Variants in NPAT observed in about 807,000 individuals in gnomAD.
NPAT encodes nuclear protein, coactivator of histone transcription, also known as protein NPAT.
A neutral mutation model predicts 130.7 loss-of-function variants in NPAT; 52 were observed. The ratio of observed to expected loss-of-function variants is 0.40; its 90% CI spans 0.32 to 0.50. The LOEUF is 0.50. Ranked by LOEUF, NPAT falls within the 20% of genes least tolerant of loss-of-function variation. The pLI, the probability that NPAT is intolerant of heterozygous loss-of-function variation, is 0.68. For synonymous variants in NPAT, 580 were observed against 584.8 expected (o/e 0.99, Z 0.12); for missense variants, 1,687 against 1,662.6 (o/e 1.01, Z -0.26).
At position 108,206,084 on chromosome 11, in the gene NPAT, A is replaced by T. The variant is rs185432242; in HGVS notation, c.38-8664T>A. ...AAATAAATAAAAATAAAATAGTATAAGTGTTTGTTGTACGTAAACTTTCTT... is the reference window on the plus strand; with the variant it reads ...AAATAAATAAAAATAAAATAGTATATGTGTTTGTTGTACGTAAACTTTCTT... On this transcript the variant is annotated intron_variant, in intron 1 of 17. Coordinates refer to ENST00000278612, the MANE Select transcript of NPAT (RefSeq NM_002519.3). Among the ~76,000 whole-genome samples the T allele has an allele frequency of 2.0e-5, 3 of 152,334 alleles. No homozygotes were observed. In the East Asian group the frequency reaches 5.8e-4, roughly 29 times the overall value.
intron 5 of NPAT, 56 bp from the exon 6 acceptor site, chr11:108,189,386 G>GT: frequency 1.3e-6 from 2 of 1,499,094 alleles, no homozygotes; most frequent in Non-Finnish European, 1.9e-6. Context: ...TTTGGGAATT[G>GT]TAAGAAGTCA....
intron 12 of NPAT, among the ~76,000 whole-genome samples, chr11:108,175,842 G>C (rs2078000285): frequency 1.3e-5 from 2 of 152,190 alleles, no homozygotes; most frequent in Non-Finnish European, 2.9e-5. Flanking sequence ...ATACTAAATT[G>C]TACATGTCAA....
At chr11:108,214,581 T>C (rs1314375889) in intron 1 of NPAT, among the ~76,000 whole-genome samples, 1 of 152,090 alleles carries the variant, frequency 6.6e-6, no homozygotes, top group Non-Finnish European at 1.5e-5. Context: ...ACAACGAAGT[T>C]TACATTTTGT....
At chr11:108,205,000 G>A (rs533198683) in intron 1 of NPAT, among the ~76,000 whole-genome samples, 61 of 152,278 alleles carry the variant, frequency 4.0e-4, no homozygotes, top group Admixed American at 3.3e-3. Flanking sequence ...ACACATGAAG[G>A]TAGCTCAACA....
intron 10 of NPAT, among the ~76,000 whole-genome samples, chr11:108,180,995 C>T (rs2078052931): frequency 6.6e-6 from 1 of 152,128 alleles, no homozygotes; most frequent in South Asian, 2.1e-4. Flanking sequence ...TCAAACTCAT[C>T]AAAACAGAAA....
In NPAT at chr11:108,205,913, G is replaced by C. The variant is rs376938539; in HGVS notation, c.38-8493C>G. Among the ~76,000 whole-genome samples, 4 of 152,122 alleles carry C rather than the reference G, an allele frequency of 2.6e-5. No individual in the cohort carries two copies. The East Asian group carries it at 7.8e-4, about 30-fold the overall frequency. ...CAAAAAAATTAGCTAGGTGTGGTGGGACTCGCCTGTAATCTCAGCTACTTG... is the reference window on the plus strand; with the variant it reads ...CAAAAAAATTAGCTAGGTGTGGTGGCACTCGCCTGTAATCTCAGCTACTTG... On this transcript the variant is annotated intron_variant, in intron 1 of 17. Transcript: ENST00000278612.
chr11:108,189,409 C>A, intron 5 of NPAT, 79 bp from the exon 6 acceptor site: 1 of 1,159,840 alleles, frequency 8.6e-7, no homozygotes, highest in Non-Finnish European at 1.3e-6. Context: ...ATGATGCAAC[C>A]TATTATATAA....
chr11:108,165,777 G>C (rs1420837646), intron 15 of NPAT, among the ~76,000 whole-genome samples: 1 of 151,882 alleles, frequency 6.6e-6, no homozygotes, highest in Non-Finnish European at 1.5e-5. Flanking sequence ...GGGACTACAG[G>C]CACCCACCAC....
chr11:108,194,764 C>T (rs2078204007), intron 2 of NPAT, among the ~76,000 whole-genome samples: 1 of 152,164 alleles, frequency 6.6e-6, no homozygotes, highest in Admixed American at 6.5e-5. Flanking sequence ...ATGTTCCTAC[C>T]TCAGCCTCCC....
intron 1 of NPAT, among the ~76,000 whole-genome samples, chr11:108,201,647 G>C (rs1378462873): frequency 6.6e-6 from 1 of 152,196 alleles, no homozygotes; most frequent in Non-Finnish European, 1.5e-5. Context: ...CAGTACCAGA[G>C]GCCACTAAGG....
intron 1 of NPAT, among the ~76,000 whole-genome samples, chr11:108,207,931 C>CACA (rs1216339195): frequency 1.3e-5 from 2 of 152,214 alleles, no homozygotes; most frequent in African/African-American, 2.4e-5. Flanking sequence ...GATTCAAAGA[C>CACA]ACAAACAGGG....
chr11:108,187,241 A>C (rs1205947557), intron 7 of NPAT, among the ~76,000 whole-genome samples: 1 of 152,182 alleles, frequency 6.6e-6, no homozygotes, highest in Non-Finnish European at 1.5e-5. Flanking sequence ...ACTTGAAGCC[A>C]GGAGTTTCAG....
At chr11:108,193,807 T>A (rs942068859) in intron 3 of NPAT, 150 bp downstream of exon 3, 2 of 558,430 alleles carry the variant, frequency 3.6e-6, no homozygotes, top group East Asian at 3.1e-5. Context: ...AAATTAGATG[T>A]GTCCCAGAAA....
intron 13 of NPAT, among the ~76,000 whole-genome samples, chr11:108,170,669 G>A (rs988333951): frequency 2.0e-5 from 3 of 152,174 alleles, no homozygotes; most frequent in African/African-American, 7.2e-5. Context: ...CTACTGTCAG[G>A]TTGATCCCCT....
At position 108,172,329 on chromosome 11, in the gene NPAT, A is replaced by G. The variant is rs1319654434; in HGVS notation, c.2655T>C (p.Ser885=). ...AATTTCCAGGCAACACCACTACATT[A>G]GACTGACTTACAGATGTTCCTAACG... The part of the protein sequence containing the change: ...PTALGTSVSQ[S]NVVVLPGNSA... The change falls in exon 13 of 18, where the codon TCT becomes TCC. Residue 885 remains serine, a synonymous_variant. Coordinates refer to ENST00000278612, the MANE Select transcript of NPAT (RefSeq NM_002519.3). 1 of 1,614,102 alleles carries G rather than the reference A, an allele frequency of 6.2e-7. No homozygotes were observed. Among genetic ancestry groups the G allele is most frequent in the Non-Finnish European group, 8.5e-7 (1 of 1,180,042 alleles).
intron 1 of NPAT, among the ~76,000 whole-genome samples, chr11:108,216,063 T>C (rs1301091885): frequency 6.6e-6 from 1 of 152,202 alleles, no homozygotes; most frequent in Non-Finnish European, 1.5e-5. Flanking sequence ...TAGCTGTTAC[T>C]AGCTTTTTGT....
intron 13 of NPAT, 114 bp from the exon 14 acceptor site, chr11:108,170,157 C>T (rs1244062051): frequency 1.4e-6 from 1 of 729,872 alleles, no homozygotes; most frequent in Non-Finnish European, 2.4e-6. Context: ...ATGAACAATC[C>T]CTCTTCCTTA....
chr11:108,212,231 A>G (rs529071349), intron 1 of NPAT, among the ~76,000 whole-genome samples: 5 of 152,308 alleles, frequency 3.3e-5, no homozygotes, highest in South Asian at 2.1e-4. Context: ...AACTTGAAAT[A>G]AAAAGCATCC....
chr11:108,168,506 C>T (rs1016031494), intron 15 of NPAT, among the ~76,000 whole-genome samples: 1 of 152,064 alleles, frequency 6.6e-6, no homozygotes, highest in African/African-American at 2.4e-5. Context: ...TAAGGAAAGG[C>T]TGATTTGATA....
Sources: allele counts gnomAD v4.1 joint callset (sites outside exome capture counted in the v4.1 genomes callset), GRCh38; gene constraint gnomAD v4.1.1; transcripts MANE v1.5; gene names NCBI Gene and HGNC (gene_info 2026-07-23, HGNC 2026-07-21).